The following SF3B3 variants were observed in gnomAD, a reference collection of about 807,000 sequenced individuals.
SF3B3 encodes the protein SAP 130.
SF3B3 carries 33 observed loss-of-function variants against 139.2 expected under a neutral mutation model. The observed-to-expected ratio is 0.24, with a 90% CI of 0.18 to 0.32. The LOEUF (loss-of-function observed/expected upper bound fraction) is 0.32. Ranked by LOEUF, SF3B3 falls within the 10% of genes least tolerant of loss-of-function variation. SF3B3 has a pLI of 1.00. For synonymous variants in SF3B3, 596 were observed against 563.6 expected (o/e 1.06, Z -0.81); for missense variants, 818 against 1,509.4 (o/e 0.54, Z 7.59).
intron 20 of SF3B3, 70 bp downstream of exon 20, chr16:70,565,594 G>A: frequency 6.9e-7 from 1 of 1,443,186 alleles, no homozygotes; most frequent in Non-Finnish European, 9.5e-7. Flanking sequence ...CTTATGTTAT[G>A]GATCAGGTCT....
In SF3B3 at chr16:70,565,653, A is replaced by G; in HGVS notation, c.2826+129A>G. The G allele has an allele frequency of 3.6e-6, 3 of 828,674 alleles. No homozygotes were observed. The South Asian group carries it at 5.3e-5, about 15-fold the overall frequency. 51.3% of individuals were successfully genotyped at this position (828,674 alleles called of 1,614,324 possible). A position where few individuals can be genotyped will look rare whatever the true frequency, so the allele number is the denominator to read the frequency against. ...CAATCTCTCTCTTACCAGCACATGG[A>G]AAATGCTGGGGCCTTCTAGCTGCAG... On this transcript the variant is annotated intron_variant, in intron 20 of 25. Transcript: ENST00000302516.
chr16:70,544,458 A>C lies in SF3B3; in HGVS notation c.1254A>C (p.Glu418Asp). The C allele has an allele frequency of 6.2e-7, 1 of 1,611,658 alleles. No homozygotes were observed. The highest frequency in any genetic ancestry group is 8.5e-7 in the Non-Finnish European group (1 of 1,177,794). Residue 418 changes from glutamate to aspartate, a missense_variant, in exon 10 of 26, where the codon GAA becomes GAC. Physicochemically the swap from Glu to Asp is conservative, Grantham distance 45. Transcript: ENST00000302516. ...LFCQIADLAN[E>D]DTPQLYVACG... is the part of the protein sequence containing the mutation. ...TGCAGATAGCTGATCTGGCCAATGA[A>C]GATACTCCACAGTTGTATGTGGCCT... is the stretch of plus-strand genomic sequence containing the variant.
chr16:70,556,939 G>C lies in SF3B3; in HGVS notation c.1920G>C (p.Leu640Phe). Residue 640 changes from leucine (L) to phenylalanine (F), a missense_variant, in exon 15 of 26, where the codon TTG becomes TTC. Leu to Phe is a conservative substitution (Grantham distance 22). Coordinates refer to ENST00000302516, the MANE Select transcript of SF3B3 (RefSeq NM_012426.5). The part of the protein sequence containing the change: ...MQALPAQPES[L>F]CIVEMGGTEK... ...CTCTCCCAGCCCAGCCTGAGTCCTT[G>C]TGTATCGTGGAAATGGGTGGGACTG... The C allele has an allele frequency of 6.2e-7, 1 of 1,614,120 alleles. No homozygotes were observed. Among genetic ancestry groups the C allele is most frequent in the Non-Finnish European group, 8.5e-7 (1 of 1,180,018 alleles).
In SF3B3 at chr16:70,526,622, C is replaced by T. The variant is rs2050067259; in HGVS notation, c.-35C>T. Reference sequence around the variant, plus strand: ...CTCCGTACTGTTGGTGTAACCAAGGCCTGGAGGTCTGGGTGGCTCAGGTTT... The same window carrying T: ...CTCCGTACTGTTGGTGTAACCAAGGTCTGGAGGTCTGGGTGGCTCAGGTTT... On this transcript the variant is annotated 5_prime_UTR_variant, in exon 2 of 26. Coordinates refer to ENST00000302516, the MANE Select transcript of SF3B3 (RefSeq NM_012426.5). The T allele has an allele frequency of 6.4e-7, 1 of 1,552,250 alleles. No homozygotes were observed. Among genetic ancestry groups the T allele is most frequent in the Non-Finnish European group, 8.9e-7 (1 of 1,126,390 alleles).
At chr16:70,525,224 C>T (rs2050046825) in intron 1 of SF3B3, among the ~76,000 whole-genome samples, 1 of 151,924 alleles carries the variant, frequency 6.6e-6, no homozygotes, top group Non-Finnish European at 1.5e-5. Flanking sequence ...GAGGGGTTTT[C>T]ACTGTGTTGG....
intron 6 of SF3B3, among the ~76,000 whole-genome samples, chr16:70,536,972 A>C (rs747248112): frequency 6.6e-6 from 1 of 151,544 alleles, no homozygotes; most frequent in Non-Finnish European, 1.5e-5. Flanking sequence ...TACCATGCCC[A>C]GCTAATTTTT....
intron 11 of SF3B3, among the ~76,000 whole-genome samples, chr16:70,551,880 T>G (rs1361252700): frequency 6.6e-6 from 1 of 152,198 alleles, no homozygotes; most frequent in African/African-American, 2.4e-5. Flanking sequence ...AGAATTAACC[T>G]GCTGCAAGTC....
At chr16:70,534,862 T>A (rs1219378070) in intron 5 of SF3B3, among the ~76,000 whole-genome samples, 3 of 152,076 alleles carry the variant, frequency 2.0e-5, no homozygotes, top group African/African-American at 7.2e-5. Flanking sequence ...AGAGACGGGA[T>A]TTCACCGTGT....
chr16:70,554,468 T>C lies in SF3B3; in HGVS notation c.1425T>C (p.Ile475=), dbSNP rs2050361118. 1.2e-6 allele frequency: 2 copies of C among 1,614,240 alleles called. No homozygotes were observed. The highest frequency in any genetic ancestry group is 2.2e-5 in the South Asian group (2 of 91,086). The change falls in exon 12 of 26, where the codon ATT becomes ATC. Residue 475 remains isoleucine (I), a synonymous_variant. Transcript: ENST00000302516. ...CAGATGAGTTTGATGCCTACATCAT[T>C]GTGTCTTTCGTGAATGCCACCCTAG... ...HIEDEFDAYI[I]VSFVNATLVL...
At chr16:70,556,508 G>A in intron 14 of SF3B3, 174 bp downstream of exon 14, 1 of 700,032 alleles carries the variant, frequency 1.4e-6, no homozygotes, top group Non-Finnish European at 2.4e-6. Flanking sequence ...GGAGTTTCCT[G>A]CTGTGGTTTA....
intron 14 of SF3B3, chr16:70,556,580 G>A (rs933848596): frequency 3.5e-5 from 21 of 604,016 alleles, no homozygotes; most frequent in Middle Eastern, 4.4e-4. Flanking sequence ...CTTTTTTTAA[G>A]TTAACAACCA....
At position 70,531,610 on chromosome 16, in the gene SF3B3, A is replaced by G. The variant is rs897253491; in HGVS notation, c.570+693A>G. 3.9e-5 allele frequency among the ~76,000 whole-genome samples: 6 copies of G among 152,330 alleles called. No individual in the cohort carries two copies. The East Asian group carries it at 9.7e-4, about 25-fold the overall frequency. ...CATATCTTAATTCTGTCCTGCTAGC[A>G]GATCTTCATATTCCAAATGCCTTAC... On this transcript the variant is annotated intron_variant, in intron 4 of 25. Coordinates refer to ENST00000302516, the MANE Select transcript of SF3B3 (RefSeq NM_012426.5).
chr16:70,536,594 C>T (rs904890228), intron 6 of SF3B3, among the ~76,000 whole-genome samples: 6 of 151,494 alleles, frequency 4.0e-5, no homozygotes, highest in Admixed American at 1.3e-4. Context: ...TTCCTGACCT[C>T]GTGATCTGCC....
At chr16:70,565,630 ATCTCTCTC>A in intron 20 of SF3B3, 106 bp downstream of exon 20, 1 of 1,006,660 alleles carries the variant, frequency 9.9e-7, no homozygotes, top group Admixed American at 2.5e-5. Context: ...CTTGATTCCA[ATCTCTCTC>A]TTACCAGCAC....
intron 17 of SF3B3, among the ~76,000 whole-genome samples, chr16:70,562,953 A>G (rs747310865): frequency 3.3e-5 from 5 of 151,920 alleles, no homozygotes; most frequent in Non-Finnish European, 5.9e-5. Flanking sequence ...CAACCTCCCA[A>G]GTACCTGGTG....
intron 5 of SF3B3, among the ~76,000 whole-genome samples, 157 bp from the exon 6 acceptor site, chr16:70,535,151 A>G (rs1212248021): frequency 6.6e-6 from 1 of 152,234 alleles, no homozygotes; most frequent in Non-Finnish European, 1.5e-5. Flanking sequence ...CTTCATCCTT[A>G]TCTACCATGA....
intron 17 of SF3B3, among the ~76,000 whole-genome samples, chr16:70,563,309 C>T (rs962409887): frequency 1.3e-5 from 2 of 152,166 alleles, no homozygotes; most frequent in African/African-American, 4.8e-5. Flanking sequence ...ACAAATAAAA[C>T]TCCATCATTA....
chr16:70,534,494 A>C (rs1386046898), intron 5 of SF3B3, among the ~76,000 whole-genome samples: 1 of 152,080 alleles, frequency 6.6e-6, no homozygotes, highest in Non-Finnish European at 1.5e-5. Context: ...GCTGCTAAGG[A>C]GGTAGAATCA....
intron 2 of SF3B3, 93 bp from the exon 3 acceptor site, chr16:70,528,780 G>T: frequency 1.1e-6 from 1 of 875,776 alleles, no homozygotes; most frequent in Non-Finnish European, 1.8e-6. Context: ...ACCACGCCTG[G>T]CTAATTTTTG....
Sources: gnomAD v4.1 joint callset for allele counts (sites outside exome capture counted in the v4.1 genomes callset) on GRCh38, gnomAD v4.1.1 for gene constraint, MANE v1.5 for transcripts, NCBI Gene and HGNC (gene_info 2026-07-23, HGNC 2026-07-21) for gene names.